The following HSD17B3 variants were observed in gnomAD, a reference collection of about 807,000 sequenced individuals.
HSD17B3 encodes the protein 17-beta-hydroxysteroid dehydrogenase type 3.
In HSD17B3, 29 loss-of-function variants were observed where a neutral mutation model predicts 41.1. The ratio of observed to expected loss-of-function variants is 0.71; its 90% CI spans 0.53 to 0.96. HSD17B3 has a LOEUF of 0.96. Among genes scored for constraint, HSD17B3 ranks in the 40% least tolerant of loss-of-function variants. The pLI, the probability that HSD17B3 is intolerant of heterozygous loss-of-function variation, is 0.00. For missense variants in HSD17B3, 323 were observed against 374.6 expected (o/e 0.86, Z 1.14); for synonymous variants, 126 against 145.6 (o/e 0.87, Z 0.97).
At chr9:96,244,234 C>A in intron 9 of HSD17B3, 95 bp downstream of exon 9, 1 of 1,245,056 alleles carries the variant, frequency 8.0e-7, no homozygotes, top group Non-Finnish European at 1.2e-6. Flanking sequence ...GGCAGTGGCC[C>A]CAGCCACGGG....
intron 2 of HSD17B3, among the ~76,000 whole-genome samples, chr9:96,264,548 T>C (rs1825983687): frequency 6.6e-6 from 1 of 152,180 alleles, no homozygotes; most frequent in Non-Finnish European, 1.5e-5. Flanking sequence ...GTTTGTTGTA[T>C]TTTTAGTAGA....
chr9:96,241,961 A>AAAAAGAAAGAAAG (rs1554692345), intron 9 of HSD17B3, among the ~76,000 whole-genome samples: 1 of 100,696 alleles, frequency 9.9e-6, no homozygotes, highest in African/African-American at 4.2e-5. Flanking sequence ...AAAGAACAGA[A>AAAAAGAAAGAAAG]AAAGAAAGAA....
chr9:96,244,202 A>G (rs1372021402), intron 9 of HSD17B3, 127 bp downstream of exon 9: 12 of 938,208 alleles, frequency 1.3e-5, no homozygotes, highest in East Asian at 2.4e-5. Flanking sequence ...TTGACCACAC[A>G]TGAGCAGCCA....
chr9:96,243,123 G>T (rs1836518155), intron 9 of HSD17B3, among the ~76,000 whole-genome samples: 1 of 152,348 alleles, frequency 6.6e-6, no homozygotes, highest in South Asian at 2.1e-4. Context: ...ACCCACAGTG[G>T]ATGTGTCACG....
At chr9:96,282,178 T>C (rs1277136510) in intron 2 of HSD17B3, among the ~76,000 whole-genome samples, 1 of 152,198 alleles carries the variant, frequency 6.6e-6, no homozygotes, top group Non-Finnish European at 1.5e-5. Context: ...CTTTTCAGAA[T>C]GGTGGCCTGG....
chr9:96,296,418 G>A (rs914598835), intron 2 of HSD17B3, among the ~76,000 whole-genome samples: 2 of 152,132 alleles, frequency 1.3e-5, no homozygotes, highest in Admixed American at 1.3e-4. Context: ...AGAACCCTAA[G>A]AAATACATGC....
chr9:96,281,610 A>C (rs543653226), intron 2 of HSD17B3, among the ~76,000 whole-genome samples: 2 of 152,252 alleles, frequency 1.3e-5, no homozygotes, highest in East Asian at 3.9e-4. Context: ...ACGGGATGTT[A>C]ACTGCTTTTC....
chr9:96,276,107 T>TAAAAAAAAAAAAAAAAAAA (rs57386167), intron 2 of HSD17B3, among the ~76,000 whole-genome samples: 2 of 41,152 alleles, frequency 4.9e-5, no homozygotes, highest in Non-Finnish European at 8.5e-5. Context: ...TCCTGTCTCA[T>TAAAAAAAAAAAAAAAAAAA]AAAAAAAAAA....
At chr9:96,299,258 C>G (rs1045134712) in intron 1 of HSD17B3, among the ~76,000 whole-genome samples, 7 of 152,166 alleles carry the variant, frequency 4.6e-5, no homozygotes, top group African/African-American at 1.7e-4. Flanking sequence ...AAAGTGTGAA[C>G]AAAAGGTACA....
At chr9:96,246,341 T>A (rs1015882973) in intron 7 of HSD17B3, 6 of 631,568 alleles carry the variant, frequency 9.5e-6, no homozygotes, top group Admixed American at 7.3e-5. Context: ...CCAATGTGTG[T>A]TACGTTTGAC....
rs755901628 is a variant in HSD17B3, at chr9:96,245,450, C to T, written c.525-24G>A. ...GCCTGAAAGGCAAAGAAGCAAAGTT[C>T]CCATGGCTTTGTTGCCCTACCTGAC... is the stretch of plus-strand genomic sequence containing the variant. On this transcript the variant is annotated intron_variant, in intron 7 of 10. Transcript: ENST00000375263. The T allele has an allele frequency of 1.1e-5, 17 of 1,587,962 alleles. 1 individual carries two copies. The South Asian group carries it at 1.7e-4, about 15-fold the overall frequency.
intron 2 of HSD17B3, among the ~76,000 whole-genome samples, chr9:96,270,953 CG>C (rs34328277): frequency 0.43 from 53,277 of 124,088 alleles, 10,811 homozygotes; most frequent in Non-Finnish European, 0.49. Flanking sequence ...CAAATCCTCT[CG>C]GGGGGGGGGG....
intron 2 of HSD17B3, among the ~76,000 whole-genome samples, chr9:96,283,717 C>A (rs1445737617): frequency 6.6e-6 from 1 of 150,780 alleles, no homozygotes; most frequent in African/African-American, 2.5e-5. Context: ...TTGTCATCCA[C>A]AAAAAAAATT....
At chr9:96,237,241 T>G (rs1836269927) in intron 10 of HSD17B3, among the ~76,000 whole-genome samples, 1 of 152,106 alleles carries the variant, frequency 6.6e-6, no homozygotes, top group Non-Finnish European at 1.5e-5. Context: ...CTTTAAAAAG[T>G]CCTAAAAGAG....
At chr9:96,270,112 A>G (rs1826186603) in intron 2 of HSD17B3, among the ~76,000 whole-genome samples, 1 of 152,152 alleles carries the variant, frequency 6.6e-6, no homozygotes, top group South Asian at 2.1e-4. Context: ...TGTGGCATAC[A>G]GGCAGCTTCA....
intron 10 of HSD17B3, among the ~76,000 whole-genome samples, chr9:96,236,106 G>C (rs1011957775): frequency 6.6e-6 from 1 of 151,400 alleles, no homozygotes; most frequent in African/African-American, 2.4e-5. Context: ...CACCATGCCC[G>C]GTCTGGAAAT....
At chr9:96,254,831 C>T (rs759842429) in intron 3 of HSD17B3, 37 bp downstream of exon 3, 32 of 1,568,430 alleles carry the variant, frequency 2.0e-5, no homozygotes, top group Non-Finnish European at 2.7e-5. Flanking sequence ...GGTTGGAGGG[C>T]TCCACACACA....
intron 2 of HSD17B3, among the ~76,000 whole-genome samples, chr9:96,279,210 C>T (rs1180483153): frequency 6.6e-6 from 1 of 152,192 alleles, no homozygotes; most frequent in South Asian, 2.1e-4. Flanking sequence ...AGTGGCACAG[C>T]CTCAGGAGGT....
intron 2 of HSD17B3, among the ~76,000 whole-genome samples, chr9:96,295,909 A>C (rs758584373): frequency 1.3e-4 from 20 of 152,174 alleles, no homozygotes; most frequent in Admixed American, 9.8e-4. Flanking sequence ...GGAGGTAATC[A>C]GGTCATGAGA....
Sources: allele counts gnomAD v4.1 joint callset (sites outside exome capture counted in the v4.1 genomes callset), GRCh38; gene constraint gnomAD v4.1.1; transcripts MANE v1.5; gene names NCBI Gene and HGNC (gene_info 2026-07-23, HGNC 2026-07-21).